Variants in C8A observed in about 807,000 individuals in gnomAD.
C8A encodes complement C8 alpha chain, also known as complement component C8 alpha chain.
In C8A, 67 loss-of-function variants were observed where a neutral mutation model predicts 65.3. The observed-to-expected ratio is 1.03, with a 90% CI of 0.84 to 1.26. The LOEUF is 1.26. Ranked by LOEUF, C8A falls within the 50% of genes most tolerant of loss-of-function variation. C8A has a pLI of 0.00. For missense variants in C8A, 781 were observed against 723.9 expected, an observed-to-expected ratio of 1.08 and a Z score of -0.90; for synonymous variants, 290 against 259.4, an observed-to-expected ratio of 1.12 and a Z score of -1.13.
intron 2 of C8A, among the ~76,000 whole-genome samples, chr1:56,869,515 T>C (rs149522098): frequency 1.3e-5 from 2 of 152,334 alleles, no homozygotes; most frequent in African/African-American, 4.8e-5. Context: ...ATGACCTTTT[T>C]TTCCGCTTAG....
Position 56,883,682 on chromosome 1 carries a change from G to C in C8A, c.855+1G>C, listed in dbSNP as rs1039760932. On this transcript the variant is annotated splice_donor_variant, in intron 6 of 10. Coordinates refer to ENST00000361249, the MANE Select transcript of C8A (RefSeq NM_000562.3). LOFTEE classifies it high-confidence loss of function. ...CGAATTAAACAAGTATAATGAGAAG[G>C]TATTCAAACATAATGTCTGTGTCTC... The C allele has an allele frequency of 9.3e-6, 15 of 1,610,594 alleles. No homozygotes were observed. In the African/African-American group the frequency reaches 1.9e-4, roughly 20 times the overall value.
In C8A at chr1:56,906,794, C is replaced by G. The variant is rs1644469997; in HGVS notation, c.1222+2C>G. ...AAAAATTTGGAGGTGGCAAAACTGG[C>G]AAGTGTTTAGTAATAGATCTCCCAA... On this transcript the variant is annotated splice_donor_variant, in intron 8 of 10. Coordinates refer to ENST00000361249, the MANE Select transcript of C8A (RefSeq NM_000562.3). LOFTEE classifies it high-confidence loss of function. 1 of 1,613,870 alleles carries G rather than the reference C, an allele frequency of 6.2e-7. No homozygotes were observed. Among genetic ancestry groups the G allele is most frequent in the African/African-American group, 1.3e-5 (1 of 74,894 alleles).
chr1:56,867,594 C>T lies in C8A; in HGVS notation c.78-15C>T. On this transcript the variant is annotated splice_polypyrimidine_tract_variant and intron_variant, in intron 1 of 10. Coordinates refer to ENST00000361249, the MANE Select transcript of C8A (RefSeq NM_000562.3). ...TGCATCTCAAAATTGATGCATGGATCTTCCCTTTCTTTAGGAGAGTAAGAC... is the reference window on the plus strand; with the variant it reads ...TGCATCTCAAAATTGATGCATGGATTTTCCCTTTCTTTAGGAGAGTAAGAC... The T allele has an allele frequency of 6.3e-7, 1 of 1,598,894 alleles. No homozygotes were observed. The highest frequency in any genetic ancestry group is 8.6e-7 in the Non-Finnish European group (1 of 1,166,412).
chr1:56,870,849 A>G (rs1025850695), intron 2 of C8A, among the ~76,000 whole-genome samples: 8 of 152,082 alleles, frequency 5.3e-5, no homozygotes, highest in Non-Finnish European at 1.2e-4. Flanking sequence ...AGTTTTTTTT[A>G]TTAATATGTT....
chr1:56,878,912 A>G (rs992634765), intron 4 of C8A, among the ~76,000 whole-genome samples: 3 of 152,208 alleles, frequency 2.0e-5, no homozygotes, highest in African/African-American at 7.2e-5. Flanking sequence ...TGATCATGCT[A>G]TACATATTGT....
At chr1:56,880,133 T>G (rs1644236348) in intron 4 of C8A, among the ~76,000 whole-genome samples, 2 of 152,186 alleles carry the variant, frequency 1.3e-5, no homozygotes, top group Admixed American at 1.3e-4. Flanking sequence ...GCTTTGATTG[T>G]CAGGTCTTAG....
In C8A at chr1:56,912,644, C is replaced by A. The variant is rs890462723; in HGVS notation, c.1603+19C>A. 1 of 1,608,066 alleles carries A rather than the reference C, an allele frequency of 6.2e-7. No individual in the cohort carries two copies. The highest frequency in any genetic ancestry group is 1.1e-5 in the South Asian group (1 of 90,892). ...ACAGAAGGTAAGGTCCGTGCATCCC[C>A]ACCCAGTTCCAGCCTGTCCCAGCTC... is the stretch of plus-strand genomic sequence containing the variant. On this transcript the variant is annotated intron_variant, in intron 10 of 10. Transcript: ENST00000361249.
At chr1:56,912,716 T>C in intron 10 of C8A, 91 bp downstream of exon 10, 1 of 1,159,240 alleles carries the variant, frequency 8.6e-7, no homozygotes, top group Admixed American at 1.9e-5. Context: ...GGCCCCTCCT[T>C]TTGGAGCTCT....
chr1:56,895,876 G>C (rs772019167), intron 7 of C8A, among the ~76,000 whole-genome samples: 1 of 152,118 alleles, frequency 6.6e-6, no homozygotes, highest in South Asian at 2.1e-4. Flanking sequence ...TTGAGCCTGG[G>C]AGGTCGAGGT....
intron 7 of C8A, among the ~76,000 whole-genome samples, chr1:56,887,124 A>C (rs535276386): frequency 6.6e-6 from 1 of 152,276 alleles, no homozygotes; most frequent in East Asian, 1.9e-4. Context: ...AGCTTTAAGA[A>C]GTTTCCTTGA....
intron 7 of C8A, among the ~76,000 whole-genome samples, chr1:56,904,907 A>G (rs536710953): frequency 3.1e-4 from 47 of 152,276 alleles, no homozygotes; most frequent in African/African-American, 1.1e-3. Context: ...TTTCATGAGC[A>G]TAATCACACA....
Position 56,917,933 on chromosome 1 carries a change from T to C in C8A, c.*217T>C. 1 of 559,046 alleles carries C rather than the reference T, an allele frequency of 1.8e-6. No individual in the cohort carries two copies. The highest frequency in any genetic ancestry group is 3.2e-6 in the Non-Finnish European group (1 of 311,008). The allele number at this position is 559,046 out of a possible 1,614,324, so 34.6% of individuals were successfully genotyped here. A position where few individuals can be genotyped will look rare whatever the true frequency, so the allele number is the denominator to read the frequency against. On this transcript the variant is annotated 3_prime_UTR_variant, in exon 11 of 11. Coordinates refer to ENST00000361249, the MANE Select transcript of C8A (RefSeq NM_000562.3). ...TTTTATTCAGCAACTGGATGTTGAC[T>C]GTTAACTAGAAGCTCTGTCCTACTT...
chr1:56,875,948 G>C (rs999261667), intron 3 of C8A, 114 bp from the exon 4 acceptor site: 1 of 1,399,318 alleles, frequency 7.1e-7, no homozygotes, highest in Admixed American at 2.0e-5. Flanking sequence ...AGAACAGAAA[G>C]AGAATGGGAC....
intron 1 of C8A, 125 bp from the exon 2 acceptor site, chr1:56,867,484 T>A (rs1644101892): frequency 5.5e-6 from 4 of 727,220 alleles, no homozygotes; most frequent in Middle Eastern, 2.3e-4. Context: ...AAAGTAGGAG[T>A]ACAATAAATG....
intron 7 of C8A, among the ~76,000 whole-genome samples, chr1:56,900,355 G>A (rs1192317736): frequency 6.6e-6 from 1 of 152,190 alleles, no homozygotes; most frequent in Non-Finnish European, 1.5e-5. Flanking sequence ...AGTATTTATT[G>A]AAGACCTAAT....
intron 7 of C8A, among the ~76,000 whole-genome samples, chr1:56,898,790 G>T (rs1283629939): frequency 1.3e-5 from 2 of 152,082 alleles, no homozygotes; most frequent in Non-Finnish European, 2.9e-5. Context: ...AGCTGGGGTG[G>T]TTCCAAATCT....
intron 1 of C8A, among the ~76,000 whole-genome samples, chr1:56,857,480 TG>T (rs1285018549): frequency 1.3e-5 from 2 of 152,042 alleles, no homozygotes; most frequent in African/African-American, 4.8e-5. Flanking sequence ...TGTGTGTGCA[TG>T]GCAAATCTTT....
chr1:56,860,351 G>A (rs1208904363), intron 1 of C8A, among the ~76,000 whole-genome samples: 1 of 152,132 alleles, frequency 6.6e-6, no homozygotes, highest in Non-Finnish European at 1.5e-5. Flanking sequence ...TTAAGAAGAT[G>A]TCACAAAATT....
At chr1:56,889,494 C>G (rs1281868558) in intron 7 of C8A, among the ~76,000 whole-genome samples, 1 of 152,118 alleles carries the variant, frequency 6.6e-6, no homozygotes, top group African/African-American at 2.4e-5. Flanking sequence ...CCCTCGGTCT[C>G]ATTCCGTTTC....
Sources: gnomAD v4.1 joint callset for allele counts (sites outside exome capture counted in the v4.1 genomes callset) on GRCh38, gnomAD v4.1.1 for gene constraint, MANE v1.5 for transcripts, NCBI Gene and HGNC (gene_info 2026-07-23, HGNC 2026-07-21) for gene names.